TMEM132C: variants seen among roughly 807,000 people sequenced by gnomAD.
TMEM132C encodes the protein transmembrane protein 132C, also known as protein phosphatase 1, regulatory subunit 152.
Under a neutral mutation model 61.4 loss-of-function variants are expected in TMEM132C, and 29 were observed. The ratio of observed to expected loss-of-function variants is 0.47; its 90% CI spans 0.35 to 0.64. The LOEUF is 0.64. Among genes scored for constraint, TMEM132C ranks in the 30% least tolerant of loss-of-function variants. The probability of loss-of-function intolerance (pLI) is 0.00; values close to 1 mark genes in which losing one functional copy is unlikely to be tolerated. For missense variants in TMEM132C, 1,408 were observed against 1,476.9 expected (o/e 0.95, Z 0.76); for synonymous variants, 656 against 633.1 (o/e 1.04, Z -0.54).
chr12:128,633,782 G>T (rs1182276144), intron 4 of TMEM132C, among the ~76,000 whole-genome samples: 2 of 152,142 alleles, frequency 1.3e-5, no homozygotes, highest in Admixed American at 1.3e-4. Context: ...TCAAGTGTGA[G>T]TGGAGATTTC....
At chr12:128,639,345 A>G (rs564617584) in intron 4 of TMEM132C, among the ~76,000 whole-genome samples, 2 of 151,088 alleles carry the variant, frequency 1.3e-5, no homozygotes, top group Admixed American at 6.6e-5. Flanking sequence ...TGATGTTGGT[A>G]TTGGTGATGA....
intron 3 of TMEM132C, among the ~76,000 whole-genome samples, chr12:128,598,971 C>T (rs1243540424): frequency 1.3e-5 from 2 of 152,154 alleles, no homozygotes; most frequent in African/African-American, 2.4e-5. Context: ...TTTCCGGACC[C>T]CTTGCCAACT....
intron 1 of TMEM132C, among the ~76,000 whole-genome samples, chr12:128,377,279 T>G (rs1874222786): frequency 6.6e-6 from 1 of 152,222 alleles, no homozygotes; most frequent in African/African-American, 2.4e-5. Context: ...GGTCTTGAAC[T>G]CCTGACCTCG....
intron 3 of TMEM132C, among the ~76,000 whole-genome samples, chr12:128,605,628 C>T (rs370719040): frequency 6.6e-6 from 1 of 152,268 alleles, no homozygotes; most frequent in East Asian, 1.9e-4. Flanking sequence ...TAGCCTTCGA[C>T]ACCCTCAGTG....
chr12:128,515,700 T>C (rs1872695721), intron 2 of TMEM132C, among the ~76,000 whole-genome samples: 1 of 152,080 alleles, frequency 6.6e-6, no homozygotes, highest in African/African-American at 2.4e-5. Flanking sequence ...CTGGGCATGG[T>C]GGCGGGTGCC....
intron 1 of TMEM132C, among the ~76,000 whole-genome samples, chr12:128,384,704 C>A (rs1874521080): frequency 6.6e-6 from 1 of 152,170 alleles, no homozygotes; most frequent in Non-Finnish European, 1.5e-5. Context: ...CTTCATCAGG[C>A]CTCATGCAGT....
intron 3 of TMEM132C, among the ~76,000 whole-genome samples, chr12:128,594,795 ATT>A (rs1294656769): frequency 6.6e-6 from 1 of 152,194 alleles, no homozygotes; most frequent in East Asian, 1.9e-4. Context: ...CTTTAAACTG[ATT>A]TCTCAGAGGA....
At chr12:128,333,845 G>A (rs111732066) in intron 1 of TMEM132C, among the ~76,000 whole-genome samples, 6,663 of 150,974 alleles carry the variant, frequency 0.044, 505 homozygotes, top group African/African-American at 0.15. Flanking sequence ...GTGTGTATGT[G>A]TGAGAATGTG....
intron 2 of TMEM132C, among the ~76,000 whole-genome samples, chr12:128,431,854 G>C (rs1385754198): frequency 6.6e-6 from 1 of 152,138 alleles, no homozygotes. Context: ...GTAGCTAGAA[G>C]GGAGAAGACA....
At chr12:128,608,558 A>G (rs12370681) in intron 3 of TMEM132C, among the ~76,000 whole-genome samples, 1 of 152,150 alleles carries the variant, frequency 6.6e-6, no homozygotes, top group Non-Finnish European at 1.5e-5. Flanking sequence ...GATCTACCCA[A>G]CCATATCTGT....
At chr12:128,695,662 T>A (rs922494320) in intron 6 of TMEM132C, among the ~76,000 whole-genome samples, 168 bp from the exon 7 acceptor site, 1 of 152,240 alleles carries the variant, frequency 6.6e-6, no homozygotes, top group Non-Finnish European at 1.5e-5. Context: ...GAGAAAGAGA[T>A]GCCCATCACT....
intron 1 of TMEM132C, among the ~76,000 whole-genome samples, chr12:128,327,553 T>C (rs1294304456): frequency 2.6e-5 from 4 of 152,024 alleles, no homozygotes; most frequent in Non-Finnish European, 5.9e-5. Context: ...CGGCTAATTT[T>C]TTTATATTTT....
rs1423440050 is a variant in TMEM132C, at chr12:128,560,963, A to G, written c.1121+16860A>G. The stretch of plus-strand genomic sequence containing the variant: ...TACAGATAAAGGAAGAGGCTCAGAC[A>G]GTCTCTATGTGCTGAAAGAAGGGCG... On this transcript the variant is annotated intron_variant, in intron 3 of 8. Coordinates refer to ENST00000435159, the MANE Select transcript of TMEM132C (RefSeq NM_001136103.3). 4.6e-5 allele frequency among the ~76,000 whole-genome samples: 7 copies of G among 152,328 alleles called. No individual in the cohort carries two copies. In the South Asian group the frequency reaches 1.2e-3, roughly 27 times the overall value.
chr12:128,328,697 G>T (rs1431305689), intron 1 of TMEM132C, among the ~76,000 whole-genome samples: 2 of 150,180 alleles, frequency 1.3e-5, no homozygotes, highest in Non-Finnish European at 2.9e-5. Flanking sequence ...TGAGGTAGGA[G>T]ACTCGCTTGA....
intron 2 of TMEM132C, among the ~76,000 whole-genome samples, chr12:128,506,251 A>C (rs1436441730): frequency 6.6e-6 from 1 of 152,228 alleles, no homozygotes. Context: ...CAGCCTCAGC[A>C]TCATCTGCAT....
chr12:128,335,912 T>C (rs1872781242), intron 1 of TMEM132C, among the ~76,000 whole-genome samples: 1 of 152,260 alleles, frequency 6.6e-6, no homozygotes, highest in Admixed American at 6.5e-5. Context: ...ATAATTATTT[T>C]GTTGGAAACA....
At chr12:128,665,686 C>A (rs577449143) in intron 4 of TMEM132C, among the ~76,000 whole-genome samples, 8 of 149,118 alleles carry the variant, frequency 5.4e-5, no homozygotes, top group African/African-American at 1.8e-4. Flanking sequence ...TACACACATA[C>A]ACATACAGGC....
chr12:128,638,927 T>A (rs965563727), intron 4 of TMEM132C, among the ~76,000 whole-genome samples: 12 of 147,586 alleles, frequency 8.1e-5, no homozygotes, highest in Non-Finnish European at 1.5e-4. Flanking sequence ...GTGGTGATGG[T>A]GATGGTGGTG....
At chr12:128,501,573 A>G in intron 2 of TMEM132C, among the ~76,000 whole-genome samples, 1 of 152,184 alleles carries the variant, frequency 6.6e-6, no homozygotes, top group East Asian at 1.9e-4. Context: ...GGAATGTGTG[A>G]ACATGGGCTG....
Sources: allele counts gnomAD v4.1 joint callset (sites outside exome capture counted in the v4.1 genomes callset), GRCh38; gene constraint gnomAD v4.1.1; transcripts MANE v1.5; gene names NCBI Gene and HGNC (gene_info 2026-07-23, HGNC 2026-07-21).